LRRTM4: variants seen among roughly 807,000 people sequenced by gnomAD.
LRRTM4 encodes the protein leucine rich repeat transmembrane neuronal 4, also known as leucine-rich repeat transmembrane neuronal protein 4.
A neutral mutation model predicts 47.6 loss-of-function variants in LRRTM4; 25 were observed. That is an observed-to-expected ratio of 0.53 (90% CI 0.38 to 0.73). The LOEUF (loss-of-function observed/expected upper bound fraction) is 0.73, where lower values mean the gene tolerates loss of function less well. Among genes scored for constraint, LRRTM4 ranks in the 30% least tolerant of loss-of-function variants. The pLI is 0.00. For synonymous variants in LRRTM4, 311 were observed against 269.5 expected (o/e 1.15, Z -1.51); for missense variants, 638 against 713.4 (o/e 0.89, Z 1.20).
At position 77,301,288 on chromosome 2, in the gene LRRTM4, T is replaced by C. The variant is rs1404519630; in HGVS notation, c.1551+217030A>G. ...AATTTGTTATTTTGAGTTTATCAAA[T>C]GACATAATTGAATTTGAGATATATA... On this transcript the variant is annotated intron_variant, in intron 3 of 3. Coordinates refer to ENST00000409884, the MANE Select transcript of LRRTM4 (RefSeq NM_001134745.3). Among the ~76,000 whole-genome samples, 7 of 152,100 alleles carry C rather than the reference T, an allele frequency of 4.6e-5. No individual in the cohort carries two copies. The East Asian group carries it at 1.2e-3, about 25-fold the overall frequency.
chr2:77,080,883 T>G (rs79705406), intron 3 of LRRTM4, among the ~76,000 whole-genome samples: 1 of 152,140 alleles, frequency 6.6e-6, no homozygotes, highest in African/African-American at 2.4e-5. Context: ...TCACCACCTC[T>G]GCAAAGCTCT....
At chr2:77,011,340 C>T (rs1001978150) in intron 3 of LRRTM4, among the ~76,000 whole-genome samples, 1 of 151,950 alleles carries the variant, frequency 6.6e-6, no homozygotes, top group African/African-American at 2.4e-5. Context: ...TTTATGTACT[C>T]AATAGCTACA....
In LRRTM4 at chr2:76,861,069, A is replaced by T. The variant is rs1293835170; in HGVS notation, c.1552-112153T>A. On this transcript the variant is annotated intron_variant, in intron 3 of 3. Transcript: ENST00000409884. Reference sequence around the variant, plus strand: ...CCCTTTTTAGAATCAAAATAGGAAGATCTTACTTACTATTTACTGGTAAGT... The same window carrying T: ...CCCTTTTTAGAATCAAAATAGGAAGTTCTTACTTACTATTTACTGGTAAGT... 1.4e-4 allele frequency among the ~76,000 whole-genome samples: 21 copies of T among 152,202 alleles called. No individual in the cohort carries two copies. In the South Asian group the frequency reaches 4.4e-3, roughly 32 times the overall value.
intron 3 of LRRTM4, chr2:77,517,954 A>T: frequency 9.9e-7 from 1 of 1,013,586 alleles, no homozygotes; most frequent in Non-Finnish European, 1.2e-6. Flanking sequence ...TCTTTACTCC[A>T]TTACAACAGT....
At chr2:77,279,187 T>C (rs150716336) in intron 3 of LRRTM4, among the ~76,000 whole-genome samples, 37 of 152,116 alleles carry the variant, frequency 2.4e-4, no homozygotes, top group African/African-American at 7.0e-4. Flanking sequence ...CCTTTTATCA[T>C]TGGACAACTT....
chr2:76,814,806 TACACACACACACAC>T lies in LRRTM4; in HGVS notation c.1552-65904_1552-65891del, dbSNP rs111468624. ...AATGGCTTCAAGATACACACACACA[TACACACACACACAC>T]ACACACACACACACAAAAGCATACC... is the stretch of plus-strand genomic sequence containing the variant. On this transcript the variant is annotated intron_variant, in intron 3 of 3. Coordinates refer to ENST00000409884, the MANE Select transcript of LRRTM4 (RefSeq NM_001134745.3). Among the ~76,000 whole-genome samples the T allele has an allele frequency of 4.0e-4, 21 of 52,660 alleles. No individual in the cohort carries two copies. In the South Asian group the frequency reaches 5.9e-3, roughly 15 times the overall value. The allele number at this position is 52,660 out of a possible 152,430, so 34.5% of individuals were successfully genotyped here.
Position 77,518,392 on chromosome 2 carries a change from A to G in LRRTM4, c.1477T>C (p.Ser493Pro). 6.2e-7 allele frequency: 1 copy of G among 1,613,024 alleles called. No homozygotes were observed. ...EYYVDYKPTN[S>P]ETMDISVNGS... ...TTAACCGATATATCCATGGTCTCAGAGTTTGTAGGCTTGTAGTCCACATAA... is the reference window on the plus strand; with the variant it reads ...TTAACCGATATATCCATGGTCTCAGGGTTTGTAGGCTTGTAGTCCACATAA... Residue 493 changes from serine (S) to proline (P), a missense_variant, in exon 3 of 4, where the codon TCT becomes CCT. Ser to Pro is a moderately conservative substitution (Grantham distance 74). Transcript: ENST00000409884.
chr2:77,518,086 T>C (rs924190021), intron 3 of LRRTM4: 28 of 1,270,046 alleles, frequency 2.2e-5, no homozygotes, highest in Non-Finnish European at 2.7e-5. Flanking sequence ...AGTGCTTTAT[T>C]CCAACTTATC....
chr2:76,942,705 T>TGTGTGTGTGTGTGTGTGTG (rs1558753144), intron 3 of LRRTM4, among the ~76,000 whole-genome samples: 7 of 151,646 alleles, frequency 4.6e-5, no homozygotes, highest in South Asian at 2.1e-4. Context: ...TGTGTGTGTG[T>TGTGTGTGTGTGTGTGTGTG]TTAAATCTGT....
chr2:77,165,745 A>C (rs1044803291), intron 3 of LRRTM4, among the ~76,000 whole-genome samples: 1 of 152,200 alleles, frequency 6.6e-6, no homozygotes, highest in Non-Finnish European at 1.5e-5. Context: ...AAAGGCCTTC[A>C]ACAAAATTCA....
intron 3 of LRRTM4, among the ~76,000 whole-genome samples, chr2:77,475,693 A>C (rs1677359776): frequency 6.6e-6 from 1 of 151,762 alleles, no homozygotes; most frequent in South Asian, 2.1e-4. Flanking sequence ...AATACATAAA[A>C]ATTCCCATTG....
intron 3 of LRRTM4, among the ~76,000 whole-genome samples, chr2:77,174,752 T>C (rs963857187): frequency 1.6e-4 from 25 of 151,996 alleles, no homozygotes; most frequent in Admixed American, 1.4e-3. Flanking sequence ...CCCATTAACT[T>C]GTCATTTAAC....
chr2:77,015,245 C>T (rs1678016516), intron 3 of LRRTM4, among the ~76,000 whole-genome samples: 1 of 152,168 alleles, frequency 6.6e-6, no homozygotes, highest in African/African-American at 2.4e-5. Flanking sequence ...ATCACGTAAG[C>T]CAACTCCTTG....
intron 3 of LRRTM4, among the ~76,000 whole-genome samples, chr2:77,128,492 G>A (rs1361808876): frequency 6.6e-6 from 1 of 152,124 alleles, no homozygotes; most frequent in Non-Finnish European, 1.5e-5. Flanking sequence ...ATTTGTGACA[G>A]TCAGACTCTG....
intron 3 of LRRTM4, among the ~76,000 whole-genome samples, chr2:76,935,085 C>T (rs1037091502): frequency 1.3e-5 from 2 of 151,994 alleles, no homozygotes; most frequent in Non-Finnish European, 2.9e-5. Context: ...ACAATCAATG[C>T]AATGGTCTCA....
In LRRTM4 at chr2:77,360,387, G is replaced by A. The variant is rs552700804; in HGVS notation, c.1551+157931C>T. ...CAGGAGAATGGCGTGAACCCAGGAGGCGGAGCTTGCAGTGAGCCAAGATCA... is the reference window on the plus strand; with the variant it reads ...CAGGAGAATGGCGTGAACCCAGGAGACGGAGCTTGCAGTGAGCCAAGATCA... On this transcript the variant is annotated intron_variant, in intron 3 of 3. Transcript: ENST00000409884. 2.3e-4 allele frequency among the ~76,000 whole-genome samples: 35 copies of A among 152,190 alleles called. No individual in the cohort carries two copies. In the East Asian group the frequency reaches 6.8e-3, roughly 29 times the overall value.
At chr2:76,855,193 A>G (rs1672112297) in intron 3 of LRRTM4, among the ~76,000 whole-genome samples, 1 of 152,184 alleles carries the variant, frequency 6.6e-6, no homozygotes. Flanking sequence ...AAAAAGGAGG[A>G]AAGGTAACTG....
chr2:77,238,056 G>A (rs979128389), intron 3 of LRRTM4, among the ~76,000 whole-genome samples: 9 of 152,060 alleles, frequency 5.9e-5, no homozygotes, highest in African/African-American at 1.9e-4. Context: ...GAATGAACAA[G>A]TCTGAACATC....
intron 3 of LRRTM4, among the ~76,000 whole-genome samples, chr2:77,032,566 GA>G (rs919857182): frequency 2.6e-5 from 4 of 151,816 alleles, no homozygotes; most frequent in Middle Eastern, 3.2e-3. Context: ...TTGAATAGAT[GA>G]AAAAAAGCTG....
Sources: allele counts gnomAD v4.1 joint callset (sites outside exome capture counted in the v4.1 genomes callset), GRCh38; gene constraint gnomAD v4.1.1; transcripts MANE v1.5; gene names NCBI Gene and HGNC (gene_info 2026-07-23, HGNC 2026-07-21).